TASP1: variants seen among roughly 807,000 people sequenced by gnomAD.
TASP1 encodes the protein threonine aspartase 1.
Under a neutral mutation model 56.6 loss-of-function variants are expected in TASP1, and 16 were observed. That is an observed-to-expected ratio of 0.28 (90% CI 0.19 to 0.43). The LOEUF (loss-of-function observed/expected upper bound fraction) is 0.43, where lower values mean the gene tolerates loss of function less well. Among genes scored for constraint, TASP1 ranks in the 20% least tolerant of loss-of-function variants. The pLI is 1.00. For synonymous variants in TASP1, 179 were observed against 184.2 expected (o/e 0.97, Z 0.23); for missense variants, 393 against 511.6 (o/e 0.77, Z 2.24).
At chr20:13,513,430 A>G (rs2044411460) in intron 10 of TASP1, among the ~76,000 whole-genome samples, 1 of 152,050 alleles carries the variant, frequency 6.6e-6, no homozygotes, top group African/African-American at 2.4e-5. Flanking sequence ...GAGAGACAGA[A>G]GGCAGAGCAA....
At chr20:13,265,527 G>A in the TASP1 span, among the ~76,000 whole-genome samples, 2 of 152,288 alleles carry the variant, frequency 1.3e-5, no homozygotes, top group Admixed American at 6.5e-5. Context: ...AGAGTACCCT[G>A]TTAATCATCG....
intron 12 of TASP1, among the ~76,000 whole-genome samples, chr20:13,427,096 T>C (rs919713021): frequency 6.6e-6 from 1 of 152,202 alleles, no homozygotes; most frequent in Non-Finnish European, 1.5e-5. Context: ...GCATGTGCCA[T>C]GTAATGGAAA....
At chr20:13,174,670 GC>G in the TASP1 span, among the ~76,000 whole-genome samples, 3 of 150,492 alleles carry the variant, frequency 2.0e-5, no homozygotes, top group Admixed American at 1.3e-4. Flanking sequence ...CTGTACTCCA[GC>G]CTGGGTGACA....
the TASP1 span, among the ~76,000 whole-genome samples, chr20:13,177,155 C>T: frequency 1.5e-4 from 23 of 151,902 alleles, no homozygotes; most frequent in African/African-American, 4.8e-4. Context: ...GCAGGAGAAT[C>T]GCTTGAACCC....
chr20:13,332,260 A>C, the TASP1 span, among the ~76,000 whole-genome samples: 2 of 152,152 alleles, frequency 1.3e-5, no homozygotes, highest in Non-Finnish European at 2.9e-5. Context: ...GTGCAAAATG[A>C]AAATGTGGGG....
At chr20:13,525,731 C>A (rs896459452) in intron 10 of TASP1, among the ~76,000 whole-genome samples, 5 of 152,150 alleles carry the variant, frequency 3.3e-5, no homozygotes, top group Non-Finnish European at 7.4e-5. Flanking sequence ...CCCAACTCTG[C>A]CATGTGTTTC....
the TASP1 span, among the ~76,000 whole-genome samples, chr20:13,223,606 C>A: frequency 6.6e-6 from 1 of 152,216 alleles, no homozygotes; most frequent in Admixed American, 6.5e-5. Context: ...CACCCCAAAG[C>A]TTAAAGTTGT....
At chr20:13,220,090 C>A in the TASP1 span, among the ~76,000 whole-genome samples, 2 of 152,158 alleles carry the variant, frequency 1.3e-5, no homozygotes, top group Non-Finnish European at 2.9e-5. Flanking sequence ...TGCGACGCGG[C>A]TGTGTGCGAA....
the TASP1 span, among the ~76,000 whole-genome samples, chr20:13,359,780 T>C: frequency 1.3e-5 from 2 of 151,872 alleles, no homozygotes; most frequent in Non-Finnish European, 2.9e-5. Context: ...ACTACAGCTA[T>C]ATCTCATTGC....
At chr20:13,564,654 AG>A (rs1407019491) in intron 7 of TASP1, among the ~76,000 whole-genome samples, 5 of 152,090 alleles carry the variant, frequency 3.3e-5, no homozygotes, top group Admixed American at 6.6e-5. Flanking sequence ...ACAAAAAAAA[AG>A]TTGGAAGTCT....
chr20:13,228,058 C>T, the TASP1 span, among the ~76,000 whole-genome samples: 2 of 149,334 alleles, frequency 1.3e-5, no homozygotes, highest in Non-Finnish European at 3.0e-5. Context: ...CTGCAACCTC[C>T]CTCTCCCGGG....
the TASP1 span, among the ~76,000 whole-genome samples, chr20:13,174,014 A>G: frequency 6.6e-6 from 1 of 152,188 alleles, no homozygotes; most frequent in Non-Finnish European, 1.5e-5. Context: ...TTTAAGGACT[A>G]GAAGAGAGAG....
At chr20:13,335,695 A>G in the TASP1 span, among the ~76,000 whole-genome samples, 1 of 152,132 alleles carries the variant, frequency 6.6e-6, no homozygotes. Flanking sequence ...GAGGAAAAAA[A>G]AAGAGCTCTT....
the TASP1 span, among the ~76,000 whole-genome samples, chr20:13,198,080 C>A: frequency 6.6e-6 from 1 of 152,118 alleles, no homozygotes; most frequent in Non-Finnish European, 1.5e-5. Context: ...TTGTCAAATG[C>A]CTGTAAAATT....
At chr20:13,215,469 T>C in the TASP1 span, among the ~76,000 whole-genome samples, 1 of 152,168 alleles carries the variant, frequency 6.6e-6, no homozygotes, top group African/African-American at 2.4e-5. Context: ...AATAAAGGGG[T>C]CTCTTTTCAA....
At chr20:13,306,564 C>CAAA in the TASP1 span, among the ~76,000 whole-genome samples, 6,456 of 63,774 alleles carry the variant, frequency 0.1, 478 homozygotes, top group Middle Eastern at 0.12. Flanking sequence ...GGAGAAAGGA[C>CAAA]AAAAAAAAAA....
chr20:13,225,512 C>T, the TASP1 span, among the ~76,000 whole-genome samples: 1 of 152,058 alleles, frequency 6.6e-6, no homozygotes, highest in African/African-American at 2.4e-5. Context: ...TTTCAGCGCA[C>T]TAGGGGTTAC....
At chr20:13,174,569 T>A in the TASP1 span, among the ~76,000 whole-genome samples, 1 of 152,010 alleles carries the variant, frequency 6.6e-6, no homozygotes, top group Non-Finnish European at 1.5e-5. Flanking sequence ...CATAGTGGCA[T>A]GCGCCTCTAG....
At chr20:13,375,520 T>G in the TASP1 span, among the ~76,000 whole-genome samples, 2 of 152,334 alleles carry the variant, frequency 1.3e-5, no homozygotes, top group Middle Eastern at 3.4e-3. Context: ...TCTTTGCTGT[T>G]GTGAATAGTG....
Sources: gnomAD v4.1 joint callset for allele counts (sites outside exome capture counted in the v4.1 genomes callset) on GRCh38, gnomAD v4.1.1 for gene constraint, MANE v1.5 for transcripts, NCBI Gene and HGNC (gene_info 2026-07-23, HGNC 2026-07-21) for gene names.